Variants in RNF14 observed in about 807,000 individuals in gnomAD.
RNF14 encodes the protein ring finger protein 14, also known as E3 ubiquitin-protein ligase RNF14.
RNF14 carries 26 observed loss-of-function variants against 52.6 expected under a neutral mutation model. That is an observed-to-expected ratio of 0.49 (90% CI 0.36 to 0.69). The LOEUF is 0.69. Ranked by LOEUF, RNF14 falls within the 30% of genes least tolerant of loss-of-function variation. The pLI is 0.00. For synonymous variants in RNF14, 194 were observed against 202.0 expected (o/e 0.96, Z 0.34); for missense variants, 404 against 560.4 (o/e 0.72, Z 2.82).
In RNF14 at chr5:141,978,440, T is replaced by A. The variant is rs1249684189; in HGVS notation, c.444T>A (p.Ile148=). The A allele has an allele frequency of 2.5e-6, 4 of 1,614,074 alleles. No homozygotes were observed. The highest frequency in any genetic ancestry group is 3.4e-6 in the Non-Finnish European group (4 of 1,180,036). Residue 148 remains isoleucine (I), a synonymous_variant, in exon 5 of 9, where the codon ATT becomes ATA. Coordinates refer to ENST00000394520, the MANE Select transcript of RNF14 (RefSeq NM_004290.5). ...LNIVSPFELK[I]GSQKKVQRRT... Reference sequence around the variant, plus strand: ...TTGTCTCTCCTTTTGAGCTCAAGATTGGTTCTCAGAAAAAAGTGCAGAGAA... The same window carrying A: ...TTGTCTCTCCTTTTGAGCTCAAGATAGGTTCTCAGAAAAAAGTGCAGAGAA...
intron 8 of RNF14, among the ~76,000 whole-genome samples, chr5:141,986,599 G>T (rs1298583405): frequency 2.0e-5 from 3 of 152,168 alleles, no homozygotes; most frequent in East Asian, 3.8e-4. Flanking sequence ...TGGAGAATTT[G>T]TCTGGATTCT....
At chr5:141,952,210 G>C in the RNF14 span, among the ~76,000 whole-genome samples, 2 of 152,206 alleles carry the variant, frequency 1.3e-5, no homozygotes, top group Non-Finnish European at 2.9e-5. Flanking sequence ...CCACAGGGAG[G>C]CTGGCTGGAG....
Position 141,978,837 on chromosome 5 carries a change from G to A in RNF14, c.834+7G>A. On this transcript the variant is annotated splice_region_variant and intron_variant, in intron 5 of 8. Coordinates refer to ENST00000394520, the MANE Select transcript of RNF14 (RefSeq NM_004290.5). ...GGTGGCCACTCCTGGTCAGGTAACT[G>A]TTTACCCTGCTGATGGTTGCCTCCT... 3.7e-6 allele frequency: 6 copies of A among 1,609,720 alleles called. No individual in the cohort carries two copies. Among genetic ancestry groups the A allele is most frequent in the Non-Finnish European group, 5.1e-6 (6 of 1,176,546 alleles).
chr5:141,949,618 C>T, the RNF14 span: 2 of 1,603,322 alleles, frequency 1.2e-6, no homozygotes, highest in South Asian at 1.1e-5. Flanking sequence ...TGGGTAGGGA[C>T]ATTCCCATAT....
intron 2 of RNF14, among the ~76,000 whole-genome samples, chr5:141,971,591 CTTTCTTTCTTTCTTT>C (rs1753771945): frequency 1.8e-5 from 2 of 112,088 alleles, no homozygotes; most frequent in African/African-American, 7.8e-5. Context: ...TTCTTTCTTT[CTTTCTTTCTTTCTTT>C]CTTTCCTTTC....
At chr5:141,987,652 C>CA (rs1561561861) in intron 8 of RNF14, 81 bp from the exon 9 acceptor site, 2 of 1,355,970 alleles carry the variant, frequency 1.5e-6, no homozygotes, top group Admixed American at 3.4e-5. Flanking sequence ...TATAAGAGTA[C>CA]AAAAAATATT....
At chr5:141,984,324 C>T (rs1435342230) in intron 7 of RNF14, among the ~76,000 whole-genome samples, 1 of 152,068 alleles carries the variant, frequency 6.6e-6, no homozygotes, top group Non-Finnish European at 1.5e-5. Context: ...TCTCGAACTC[C>T]TGACCTCAAA....
chr5:141,983,174 C>T (rs907801621), intron 6 of RNF14, among the ~76,000 whole-genome samples: 1 of 152,104 alleles, frequency 6.6e-6, no homozygotes, highest in African/African-American at 2.4e-5. Flanking sequence ...CATTAAATGG[C>T]TCTTCCAAAC....
upstream of RNF14, chr5:141,958,137 C>G: frequency 2.2e-6 from 1 of 448,386 alleles, no homozygotes. Context: ...TGGACAAGAG[C>G]TGGTCTAAGA....
At chr5:141,964,797 TTG>T (rs774783486), upstream of RNF14, among the ~76,000 whole-genome samples, 9,077 of 135,882 alleles carry the variant, frequency 0.067, 288 homozygotes, top group Non-Finnish European at 0.091. Flanking sequence ...TTTTTTTTTT[TTG>T]TATTTTTAGT....
At chr5:141,971,094 C>T (rs1282166518) in intron 2 of RNF14, among the ~76,000 whole-genome samples, 1 of 152,132 alleles carries the variant, frequency 6.6e-6, no homozygotes, top group African/African-American at 2.4e-5. Context: ...AGGATATTTG[C>T]AAATGCAATT....
At chr5:141,962,550 A>G (rs1347687091), upstream of RNF14, among the ~76,000 whole-genome samples, 4 of 152,350 alleles carry the variant, frequency 2.6e-5, no homozygotes, top group East Asian at 7.7e-4. Context: ...CGTGATAAAA[A>G]TAAATAGACG....
At chr5:141,981,919 G>T (rs995527086) in intron 6 of RNF14, among the ~76,000 whole-genome samples, 1 of 151,904 alleles carries the variant, frequency 6.6e-6, no homozygotes, top group Non-Finnish European at 1.5e-5. Context: ...GTTATTACTT[G>T]CTAATGTTAG....
intron 7 of RNF14, 116 bp from the exon 8 acceptor site, chr5:141,984,687 C>A: frequency 1.1e-6 from 1 of 877,668 alleles, no homozygotes; most frequent in Non-Finnish European, 1.8e-6. Context: ...GATATCTCAA[C>A]CCTGCATAAG....
intron 8 of RNF14, among the ~76,000 whole-genome samples, chr5:141,985,603 TGGAGTGCAGTGGTGCC>T (rs1194968304): frequency 6.6e-6 from 1 of 152,160 alleles, no homozygotes; most frequent in Non-Finnish European, 1.5e-5. Flanking sequence ...TCGCCCAGGC[TGGAGTGCAGTGGTGCC>T]GTCTCGGCTC....
At chr5:141,956,792 C>T (rs763363704), upstream of RNF14, 84 of 1,614,074 alleles carry the variant, frequency 5.2e-5, no homozygotes, top group Admixed American at 2.5e-4. Flanking sequence ...GCCCATGTGA[C>T]GTGGATGCTT....
chr5:141,951,482 G>A, the RNF14 span: 15 of 1,610,120 alleles, frequency 9.3e-6, no homozygotes, highest in Admixed American at 3.3e-5. Context: ...TGGGGGCTAC[G>A]TGCTGCTTAC....
upstream of RNF14, among the ~76,000 whole-genome samples, chr5:141,963,899 G>A (rs548491763): frequency 1.3e-5 from 2 of 152,296 alleles, no homozygotes; most frequent in East Asian, 3.9e-4. Context: ...TGAGCCTGGA[G>A]CTCTGAGAGA....
chr5:141,957,960 A>T, upstream of RNF14: 1 of 1,295,848 alleles, frequency 7.7e-7, no homozygotes, highest in Non-Finnish European at 1.1e-6. The surrounding 1 kb of genome is among the most constrained non-coding windows in gnomAD (Gnocchi z 4.3). Flanking sequence ...TCCTTCCCCC[A>T]GAGCTGCCGG....
Sources: gnomAD v4.1 joint callset for allele counts (sites outside exome capture counted in the v4.1 genomes callset) on GRCh38, gnomAD v4.1.1 for gene constraint, Gnocchi (gnomAD v3.1) non-coding constraint, MANE v1.5 for transcripts, NCBI Gene and HGNC (gene_info 2026-07-23, HGNC 2026-07-21) for gene names.